The following TMEM143 variants were observed in gnomAD, a reference collection of about 807,000 sequenced individuals.
TMEM143 encodes the protein transmembrane protein 143.
Under a neutral mutation model 40.3 loss-of-function variants are expected in TMEM143, and 45 were observed. The observed-to-expected ratio is 1.12, with a 90% CI of 0.88 to 1.43. TMEM143 has a LOEUF of 1.43. TMEM143 is among the 40% of genes most tolerant of loss of function. The pLI is 0.00. For synonymous variants in TMEM143, 299 were observed against 282.7 expected (o/e 1.06, Z -0.58); for missense variants, 620 against 613.4 (o/e 1.01, Z -0.11).
Position 48,334,829 on chromosome 19 carries a change from G to A in TMEM143, c.976-632C>T, listed in dbSNP as rs184560954. On this transcript the variant is annotated intron_variant, in intron 6 of 7. Transcript: ENST00000293261. ...AAACTCCCAGCCTGGAGTGATCCTC[G>A]CTCCTCAGCCTCCCATAGTGCTGGG... Among the ~76,000 whole-genome samples the A allele has an allele frequency of 9.9e-5, 15 of 152,080 alleles. No individual in the cohort carries two copies. In the East Asian group the frequency reaches 1.2e-3, roughly 12 times the overall value.
chr19:48,350,943 AAAG>A (rs1969755731), intron 3 of TMEM143, among the ~76,000 whole-genome samples: 7 of 150,814 alleles, frequency 4.6e-5, no homozygotes, highest in African/African-American at 1.5e-4. Flanking sequence ...AAAAAAAAAA[AAAG>A]AATGACTTAA....
Position 48,345,274 on chromosome 19 carries a change from C to G in TMEM143, c.450G>C (p.Glu150Asp), listed in dbSNP as rs1011543969. The change falls in exon 4 of 8, where the codon GAG becomes GAC. Residue 150 changes from glutamate (E) to aspartate (D), a missense_variant. Glu to Asp is a conservative substitution (Grantham distance 45, BLOSUM62 2). Coordinates refer to ENST00000293261, the MANE Select transcript of TMEM143 (RefSeq NM_018273.4). Reference sequence around the variant, plus strand: ...GCTCCAGAGCCCGAAGCACCTCCTGCTCATTAGACAGACGCTGGGGATCCG... The same window carrying G: ...GCTCCAGAGCCCGAAGCACCTCCTGGTCATTAGACAGACGCTGGGGATCCG... ...SLTDPQRLSN[E>D]QEVLRALEPL... is the part of the protein sequence containing the mutation. 4 of 1,610,922 alleles carry G rather than the reference C, an allele frequency of 2.5e-6. No individual in the cohort carries two copies. The highest frequency in any genetic ancestry group is 3.4e-6 in the Non-Finnish European group (4 of 1,178,652).
intron 6 of TMEM143, 102 bp from the exon 7 acceptor site, chr19:48,334,299 C>T: frequency 7.6e-7 from 1 of 1,309,026 alleles, no homozygotes; most frequent in Non-Finnish European, 1.0e-6. Flanking sequence ...GCCGCTTACT[C>T]CCCTGAGGAG....
chr19:48,357,021 C>T (rs893310762), intron 3 of TMEM143, among the ~76,000 whole-genome samples: 1 of 150,696 alleles, frequency 6.6e-6, no homozygotes, highest in African/African-American at 2.4e-5. Context: ...TCTCCTGCCT[C>T]AGCCTCCTGA....
chr19:48,339,548 A>C (rs1234119762), intron 6 of TMEM143, among the ~76,000 whole-genome samples: 2 of 151,960 alleles, frequency 1.3e-5, no homozygotes, highest in Non-Finnish European at 2.9e-5. Context: ...AGGCAGCTGG[A>C]CTCTGGGCTC....
At chr19:48,346,090 T>C (rs988718939) in intron 3 of TMEM143, among the ~76,000 whole-genome samples, 6 of 149,168 alleles carry the variant, frequency 4.0e-5, no homozygotes, top group African/African-American at 1.5e-4. Flanking sequence ...CCCTTTTTTC[T>C]TTTTCTTTCT....
At chr19:48,335,341 C>A (rs918265188) in intron 6 of TMEM143, among the ~76,000 whole-genome samples, 1 of 152,142 alleles carries the variant, frequency 6.6e-6, no homozygotes, top group African/African-American at 2.4e-5. Flanking sequence ...CGCTGAGAGG[C>A]CAAGGTGGGT....
chr19:48,334,282 G>A (rs1969292785), intron 6 of TMEM143, 85 bp from the exon 7 acceptor site: 1 of 1,409,932 alleles, frequency 7.1e-7, no homozygotes, highest in African/African-American at 1.4e-5. Context: ...CCGCTGGCAC[G>A]GCCCACGCCG....
At chr19:48,358,510 C>T (rs1969962941) in intron 3 of TMEM143, among the ~76,000 whole-genome samples, 1 of 152,094 alleles carries the variant, frequency 6.6e-6, no homozygotes, top group African/African-American at 2.4e-5. Context: ...ACGGTCTCCC[C>T]CATCCCAGTA....
intron 4 of TMEM143, 68 bp downstream of exon 4, chr19:48,345,092 G>A: frequency 6.5e-7 from 1 of 1,529,584 alleles, no homozygotes. Flanking sequence ...AGCAGCCCAT[G>A]CCTCTCAGAG....
intron 3 of TMEM143, among the ~76,000 whole-genome samples, chr19:48,349,036 A>ATG (rs936490301): frequency 5.1e-4 from 78 of 152,184 alleles, no homozygotes; most frequent in African/African-American, 1.7e-3. Context: ...ATTTATATAT[A>ATG]TAAAAATTAG....
At chr19:48,345,949 T>C (rs1410024508) in intron 3 of TMEM143, among the ~76,000 whole-genome samples, 3 of 150,230 alleles carry the variant, frequency 2.0e-5, no homozygotes, top group Non-Finnish European at 4.4e-5. Context: ...CATGCCCGGT[T>C]AATTTTTGTA....
At position 48,333,623 on chromosome 19, in the gene TMEM143, TG is replaced by T. The variant is rs1244315483; in HGVS notation, c.1166-191del. 6.6e-6 allele frequency among the ~76,000 whole-genome samples: 1 copy of T among 152,066 alleles called. No homozygotes were observed. The highest frequency in any genetic ancestry group is 2.4e-5 in the African/African-American group (1 of 41,432). On this transcript the variant is annotated intron_variant, in intron 7 of 7. Coordinates refer to ENST00000293261, the MANE Select transcript of TMEM143 (RefSeq NM_018273.4). The surrounding 1 kb of genome is among the most constrained non-coding windows in gnomAD (Gnocchi z 4.1). ...TCGAGAGGGCCAGAAGGCCCAGCTCTGGGGCTTTCGTCTGGGGACCAGTCAG... is the reference window on the plus strand; with the variant it reads ...TCGAGAGGGCCAGAAGGCCCAGCTCTGGGCTTTCGTCTGGGGACCAGTCAG...
intron 3 of TMEM143, among the ~76,000 whole-genome samples, chr19:48,349,381 G>A (rs1969714294): frequency 6.6e-6 from 1 of 152,274 alleles, no homozygotes; most frequent in East Asian, 1.9e-4. Flanking sequence ...AGTGGCTCAC[G>A]CCTGTAATCC....
At position 48,332,795 on chromosome 19, in the gene TMEM143, A is replaced by G. The variant is rs1969241032; in HGVS notation, c.*424T>C. 1 of 155,742 alleles carries G rather than the reference A, an allele frequency of 6.4e-6. No homozygotes were observed. The allele number at this position is 155,742 out of a possible 1,614,324, so 9.6% of individuals were successfully genotyped here. A position where few individuals can be genotyped will look rare whatever the true frequency, so the allele number is the denominator to read the frequency against. On this transcript the variant is annotated 3_prime_UTR_variant, in exon 8 of 8. Coordinates refer to ENST00000293261, the MANE Select transcript of TMEM143 (RefSeq NM_018273.4). ...AGGGCTAACGGCCTTGGTGCACATG[A>G]TGGGCAGTTTGCCCGGAGCGGGCTG... is the stretch of plus-strand genomic sequence containing the variant.
intron 3 of TMEM143, among the ~76,000 whole-genome samples, chr19:48,354,893 C>T (rs1005386435): frequency 5.3e-5 from 8 of 152,200 alleles, no homozygotes; most frequent in South Asian, 4.1e-4. Flanking sequence ...GGGCCTCACC[C>T]GCCTCTGCCA....
At chr19:48,360,527 G>A (rs1385807742) in intron 2 of TMEM143, 26 of 254,088 alleles carry the variant, frequency 1.0e-4, no homozygotes, top group Middle Eastern at 1.3e-3. Flanking sequence ...GCAGTGAGTC[G>A]AGATCGTGCC....
chr19:48,341,997 C>G (rs1169938615), intron 6 of TMEM143, among the ~76,000 whole-genome samples: 1 of 150,910 alleles, frequency 6.6e-6, no homozygotes, highest in African/African-American at 2.4e-5. Flanking sequence ...GATTAAGAAA[C>G]CCCCCTAAGG....
At chr19:48,334,275 C>G (rs1288024764) in intron 6 of TMEM143, 78 bp from the exon 7 acceptor site, 43 of 1,441,964 alleles carry the variant, frequency 3.0e-5, no homozygotes, top group Non-Finnish European at 3.7e-5. Context: ...GTCACCCCCG[C>G]TGGCACGGCC....
Sources: allele counts gnomAD v4.1 joint callset (sites outside exome capture counted in the v4.1 genomes callset), GRCh38; gene constraint gnomAD v4.1.1; non-coding constraint Gnocchi (gnomAD v3.1); transcripts MANE v1.5; gene names NCBI Gene and HGNC (gene_info 2026-07-23, HGNC 2026-07-21).